Variants in TGFBR2 observed in about 807,000 individuals in gnomAD.
TGFBR2 encodes the protein TGF-beta receptor type-2.
A neutral mutation model predicts 49.0 loss-of-function variants in TGFBR2; 18 were observed. The ratio of observed to expected loss-of-function variants is 0.37; its 90% confidence interval spans 0.25 to 0.54. TGFBR2 has a LOEUF of 0.54. TGFBR2 is among the 20% of genes least tolerant of loss of function. The pLI, the probability that TGFBR2 is intolerant of heterozygous loss-of-function variation, is 0.85. For missense variants in TGFBR2, 525 were observed against 722.6 expected (o/e 0.73, Z 3.13); for synonymous variants, 282 against 275.9 (o/e 1.02, Z -0.22).
chr3:30,654,987 TCTC>T, intron 3 of TGFBR2, among the ~76,000 whole-genome samples: 1 of 152,308 alleles, frequency 6.6e-6, no homozygotes, highest in Non-Finnish European at 1.5e-5. Flanking sequence ...ATGAGCTAGA[TCTC>T]CTGGATTTAA....
At chr3:30,625,167 A>G (rs897987287) in intron 1 of TGFBR2, among the ~76,000 whole-genome samples, 3 of 152,258 alleles carry the variant, frequency 2.0e-5, no homozygotes, top group Middle Eastern at 3.2e-3. Flanking sequence ...TTTTGAACAT[A>G]TTAAAAATAG....
chr3:30,644,751 T>C lies in TGFBR2; in HGVS notation c.99T>C (p.Asn33=). The change falls in exon 2 of 7, where the codon AAT becomes AAC. Residue 33 remains asparagine, a synonymous_variant. Transcript: ENST00000295754. ...TIPPHVQKSV[N]NDMIVTDNNG... ...TATATCTTTCTCTCTCCTCAGTTAA[T>C]AACGACATGATAGTCACTGACAACA... The C allele has an allele frequency of 6.2e-7, 1 of 1,614,080 alleles. No homozygotes were observed. The highest frequency in any genetic ancestry group is 8.5e-7 in the Non-Finnish European group (1 of 1,179,944).
intron 1 of TGFBR2, among the ~76,000 whole-genome samples, chr3:30,608,085 C>A (rs957001622): frequency 6.6e-6 from 1 of 151,462 alleles, no homozygotes. Flanking sequence ...ATTACAGGCG[C>A]GTGCCACCAC....
intron 3 of TGFBR2, among the ~76,000 whole-genome samples, chr3:30,651,774 A>G (rs1236339892): frequency 6.6e-6 from 1 of 152,244 alleles, no homozygotes; most frequent in Non-Finnish European, 1.5e-5. Context: ...CTACTAAACT[A>G]TTCTCCTCCT....
In TGFBR2 at chr3:30,676,409, TTC is replaced by T. The variant is rs1699438272; in HGVS notation, c.1396+2165_1396+2166del. On this transcript the variant is annotated intron_variant, in intron 5 of 6. Coordinates refer to ENST00000295754, the MANE Select transcript of TGFBR2 (RefSeq NM_003242.6). The surrounding 1 kb of genome is among the most constrained non-coding windows in gnomAD (Gnocchi z 4.3). The stretch of plus-strand genomic sequence containing the variant: ...CTATAATGTTTACTTAAGGAAGATT[TTC>T]TGTTTTTCTTGTTCCTTCTATATTT... Among the ~76,000 whole-genome samples the T allele has an allele frequency of 6.6e-6, 1 of 152,254 alleles. No individual in the cohort carries two copies. Among genetic ancestry groups the T allele is most frequent in the African/African-American group, 2.4e-5 (1 of 41,468 alleles).
Position 30,671,653 on chromosome 3 carries a change from A to G in TGFBR2, c.470A>G (p.Asn157Ser), listed in dbSNP as rs1014929115. 5 of 1,614,022 alleles carry G rather than the reference A, an allele frequency of 3.1e-6. No homozygotes were observed. The highest frequency in any genetic ancestry group is 2.7e-5 in the African/African-American group (2 of 74,898). The change falls in exon 4 of 7, where the codon AAT becomes AGT. Residue 157 changes from asparagine (N) to serine (S), a missense_variant. This residue lies in a region of TGFBR2 where 376 missense variants were observed against 478.2 expected (regional missense o/e 0.79). Coordinates refer to ENST00000295754, the MANE Select transcript of TGFBR2 (RefSeq NM_003242.6). The part of the protein sequence containing the change: ...IIFSEEYNTS[N>S]PDLLLVIFQV... ...TCCCCATCAGAATATAACACCAGCA[A>G]TCCTGACTTGTTGCTAGTCATATTT...
At chr3:30,684,897 G>A (rs1699597148) in intron 5 of TGFBR2, among the ~76,000 whole-genome samples, 1 of 152,092 alleles carries the variant, frequency 6.6e-6, no homozygotes, top group South Asian at 2.1e-4. Flanking sequence ...ATGGAAACTT[G>A]CTTTGATCCA....
chr3:30,659,246 A>C (rs970145256), intron 3 of TGFBR2, among the ~76,000 whole-genome samples: 1 of 152,178 alleles, frequency 6.6e-6, no homozygotes, highest in Non-Finnish European at 1.5e-5. Flanking sequence ...TAAGTGTGGA[A>C]ATATGGTTGA....
At chr3:30,627,017 A>G (rs1698344088) in intron 1 of TGFBR2, among the ~76,000 whole-genome samples, 1 of 152,130 alleles carries the variant, frequency 6.6e-6, no homozygotes, top group Non-Finnish European at 1.5e-5. Context: ...TAATAAAACC[A>G]CTGCAAAGCC....
At chr3:30,654,391 G>A (rs1698956929) in intron 3 of TGFBR2, among the ~76,000 whole-genome samples, 1 of 152,094 alleles carries the variant, frequency 6.6e-6, no homozygotes, top group South Asian at 2.1e-4. Flanking sequence ...CTTAACCCTG[G>A]AATCCCTCAG....
chr3:30,673,306 A>G (rs1699375489), intron 4 of TGFBR2, among the ~76,000 whole-genome samples: 1 of 152,228 alleles, frequency 6.6e-6, no homozygotes, highest in Non-Finnish European at 1.5e-5. Context: ...TTGGAATGAT[A>G]ATATCAACTC....
chr3:30,659,195 C>T (rs1559462316), intron 3 of TGFBR2, among the ~76,000 whole-genome samples: 1 of 152,088 alleles, frequency 6.6e-6, no homozygotes, highest in Non-Finnish European at 1.5e-5. Flanking sequence ...TCAAAAGAAA[C>T]AAACCAGATT....
In TGFBR2 at chr3:30,693,992, C is replaced by A; in HGVS notation, c.*2393C>A. On this transcript the variant is annotated 3_prime_UTR_variant, in exon 7 of 7. Coordinates refer to ENST00000295754, the MANE Select transcript of TGFBR2 (RefSeq NM_003242.6). The stretch of plus-strand genomic sequence containing the variant: ...ATGTATTAAAATAGGAATGTGAATG[C>A]TATATACTCTTTTTATATCAAAAGT... 1 of 229,474 alleles carries A rather than the reference C, an allele frequency of 4.4e-6. No individual in the cohort carries two copies. Among genetic ancestry groups the A allele is most frequent in the East Asian group, 6.2e-5 (1 of 16,086 alleles). 14.2% of individuals were successfully genotyped at this position (229,474 alleles called of 1,614,324 possible).
intron 3 of TGFBR2, among the ~76,000 whole-genome samples, chr3:30,653,250 CTTTTT>C (rs3076740): frequency 8.8e-6 from 1 of 113,426 alleles, no homozygotes; most frequent in Non-Finnish European, 1.7e-5. Context: ...GGAATGAAAA[CTTTTT>C]TTTTTTTTTT....
At position 30,692,615 on chromosome 3, in the gene TGFBR2, T is replaced by C; in HGVS notation, c.*1016T>C. On this transcript the variant is annotated 3_prime_UTR_variant, in exon 7 of 7. Coordinates refer to ENST00000295754, the MANE Select transcript of TGFBR2 (RefSeq NM_003242.6). ...GTTTACTTTTTCATTACACTTGACT[T>C]GATTTTCTAGTTTTCTATACAAACA... is the stretch of plus-strand genomic sequence containing the variant. 8.6e-6 allele frequency: 2 copies of C among 233,216 alleles called. No individual in the cohort carries two copies. The highest frequency in any genetic ancestry group is 1.2e-4 in the East Asian group (2 of 16,690). The allele number at this position is 233,216 out of a possible 1,614,324, so 14.4% of individuals were successfully genotyped here.
rs902207012 is a variant in TGFBR2, at chr3:30,692,956, T to C, written c.*1357T>C. 1.7e-5 allele frequency: 4 copies of C among 233,154 alleles called. No homozygotes were observed. The highest frequency in any genetic ancestry group is 8.8e-5 in the African/African-American group (4 of 45,334). 14.4% of individuals were successfully genotyped at this position (233,154 alleles called of 1,614,324 possible). A position where few individuals can be genotyped will look rare whatever the true frequency, so the allele number is the denominator to read the frequency against. ...CTTCTCACTGTAAACATTAGCTCTT[T>C]CCACTGCCTACCTGGACCCCAGTCT... On this transcript the variant is annotated 3_prime_UTR_variant, in exon 7 of 7. Transcript: ENST00000295754.
intron 1 of TGFBR2, chr3:30,626,810 T>G (rs1021165576): frequency 6.6e-6 from 1 of 152,338 alleles, no homozygotes; most frequent in African/African-American, 2.4e-5. Flanking sequence ...CATGCTCTTC[T>G]TGACCTTAAA....
chr3:30,691,977 C>G lies in TGFBR2; in HGVS notation c.*378C>G, dbSNP rs1699719286. 9.1e-6 allele frequency: 2 copies of G among 218,820 alleles called. No homozygotes were observed. The highest frequency in any genetic ancestry group is 1.2e-4 in the Admixed American group (2 of 17,242). The allele number at this position is 218,820 out of a possible 1,614,324, so 13.6% of individuals were successfully genotyped here. A position where few individuals can be genotyped will look rare whatever the true frequency, so the allele number is the denominator to read the frequency against. On this transcript the variant is annotated 3_prime_UTR_variant, in exon 7 of 7. Transcript: ENST00000295754. Reference sequence around the variant, plus strand: ...TATATAGCCATACCTTGAAAAGAGACAAGGAAAAACATCAAATATTCCCAG... The same window carrying G: ...TATATAGCCATACCTTGAAAAGAGAGAAGGAAAAACATCAAATATTCCCAG...
intron 3 of TGFBR2, among the ~76,000 whole-genome samples, chr3:30,668,619 T>G (rs1355106523): frequency 2.0e-5 from 3 of 152,190 alleles, no homozygotes; most frequent in Non-Finnish European, 4.4e-5. Flanking sequence ...TGTAATTGCT[T>G]TGTCCCACCC....
Sources: allele counts gnomAD v4.1 joint callset (sites outside exome capture counted in the v4.1 genomes callset), GRCh38; gene constraint gnomAD v4.1.1; regional missense constraint gnomAD v4.1.1; non-coding constraint Gnocchi (gnomAD v3.1); transcripts MANE v1.5; gene names NCBI Gene and HGNC (gene_info 2026-07-23, HGNC 2026-07-21).